Variants in ASIC3 observed in about 807,000 individuals in gnomAD.
ASIC3 encodes acid-sensing ion channel 3.
ASIC3 carries 46 observed loss-of-function variants against 58.6 expected under a neutral mutation model. The ratio of observed to expected loss-of-function variants is 0.79; its 90% CI spans 0.62 to 1.00. ASIC3 has a LOEUF of 1.00. ASIC3 is among the 50% of genes least tolerant of loss of function. The pLI is 0.00. For synonymous variants in ASIC3, 336 were observed against 300.2 expected (o/e 1.12, Z -1.23); for missense variants, 770 against 735.0 (o/e 1.05, Z -0.55).
Position 151,051,198 on chromosome 7 carries a change from G to C in ASIC3, c.1093G>C (p.Ala365Pro), listed in dbSNP as rs1371417062. The C allele has an allele frequency of 6.3e-7, 1 of 1,588,332 alleles. No individual in the cohort carries two copies. The highest frequency in any genetic ancestry group is 8.5e-7 in the Non-Finnish European group (1 of 1,173,506). The stretch of plus-strand genomic sequence containing the variant: ...TGCCATGCTTCGCAAGGACTCGTGC[G>C]CCTGCCCCAACCCGTGCGCCAGCAC... ...IDAMLRKDSC[A>P]CPNPCASTRY... The change falls in exon 6 of 11, where the codon GCC (alanine) becomes CCC (proline). Residue 365 changes from alanine (A) to proline (P), a missense_variant. Transcript: ENST00000349064.
chr7:151,052,638 G>C lies in ASIC3; in HGVS notation c.1582G>C (p.Val528Leu), dbSNP rs188986606. The C allele has an allele frequency of 5.6e-6, 9 of 1,613,824 alleles. No individual in the cohort carries two copies. The highest frequency in any genetic ancestry group is 2.7e-5 in the African/African-American group (2 of 74,924). Residue 528 changes from valine to leucine, a missense_variant, in exon 11 of 11, where the codon GTC (valine) becomes CTC (leucine). Val to Leu is a conservative substitution (Grantham distance 32, BLOSUM62 1). Coordinates refer to ENST00000349064, the MANE Select transcript of ASIC3 (RefSeq NM_004769.4). This position sits in a 1 kb window ranked among gnomAD's most constrained non-coding sequence, Gnocchi z 5.0. ...CGCCTCCCACCGCACCTGCTACCTT[G>C]TCACACAGCTCTAGACCTGCTGTCT... ...LSASHRTCYLVTQL is the reference protein window; with the variant it reads ...LSASHRTCYLLTQL
rs761664922 is a variant in ASIC3 at position 151,049,230 on chromosome 7, G to A, written c.345G>A (p.Leu115=). 1.2e-6 allele frequency: 2 copies of A among 1,611,890 alleles called. No homozygotes were observed. The highest frequency in any genetic ancestry group is 1.1e-5 in the South Asian group (1 of 90,994). ...NDLHWAGSAL[L]GLDPAEHAAF... is the part of the protein sequence containing the mutation. ...TGCACTGGGCTGGGTCTGCGCTGCTGGGCCTGGATCCCGCAGAGCACGCCG... is the reference window on the plus strand; with the variant it reads ...TGCACTGGGCTGGGTCTGCGCTGCTAGGCCTGGATCCCGCAGAGCACGCCG... The change falls in exon 1 of 11, where the codon CTG becomes CTA. Residue 115 remains leucine (L), a synonymous_variant. Transcript: ENST00000349064.
rs1428555731 is a variant in ASIC3 at position 151,051,315 on chromosome 7, A to G, written c.1210A>G (p.Ile404Val). The change falls in exon 6 of 11, where the codon ATC becomes GTC. Residue 404 changes from isoleucine to valine, a missense_variant. Transcript: ENST00000349064. ...ARKLNRSEAY[I>V]AENVLALDIF... ...GAAGCTCAACCGCAGCGAGGCCTAC[A>G]TCGCGTGAGCTGCGCGGGGCGGGCG... 3 of 1,508,022 alleles carry G rather than the reference A, an allele frequency of 2.0e-6. No homozygotes were observed. The highest frequency in any genetic ancestry group is 1.4e-5 in the African/African-American group (1 of 69,336). 93.4% of individuals were successfully genotyped at this position (1,508,022 alleles called of 1,614,324 possible).
chr7:151,049,001 G>C lies in ASIC3; in HGVS notation c.116G>C (p.Ser39Thr). 1 of 1,612,022 alleles carries C rather than the reference G, an allele frequency of 6.2e-7. No homozygotes were observed. Reference sequence around the variant, plus strand: ...CACGTCTTCGGGCCAGGCAGCCTGAGCCTGCGCCGGGGGATGTGGGCAGCG... The same window carrying C: ...CACGTCTTCGGGCCAGGCAGCCTGACCCTGCGCCGGGGGATGTGGGCAGCG... ...LGHVFGPGSL[S>T]LRRGMWAAAV... The change falls in exon 1 of 11, where the codon AGC (serine) becomes ACC (threonine). Residue 39 changes from serine (S) to threonine (T), a missense_variant. By Grantham distance (58) the Ser-to-Thr change is moderately conservative. Coordinates refer to ENST00000349064, the MANE Select transcript of ASIC3 (RefSeq NM_004769.4).
At chr7:151,049,961 C>A in intron 1 of ASIC3, 145 bp from the exon 2 acceptor site, 2 of 1,060,414 alleles carry the variant, frequency 1.9e-6, no homozygotes, top group Non-Finnish European at 1.4e-6. Flanking sequence ...GCAACATGTG[C>A]CCACTGGAGC....
In ASIC3 at chr7:151,052,358, C is replaced by T. The variant is rs905339132; in HGVS notation, c.1459-58C>T. On this transcript the variant is annotated intron_variant, in intron 9 of 10. Transcript: ENST00000349064. The surrounding 1 kb of genome is among the most constrained non-coding windows in gnomAD (Gnocchi z 5.0). ...CAGGCAGGAGGGTGTGCAGTGACCT[C>T]GACTGGTCCCTGGGAGGAGGACCAC... 8 of 1,612,972 alleles carry T rather than the reference C, an allele frequency of 5.0e-6. No homozygotes were observed. Among genetic ancestry groups the T allele is most frequent in the Middle Eastern group, 1.7e-4 (1 of 6,038 alleles).
In ASIC3 at chr7:151,051,854, A is replaced by G. The variant is rs1442096010; in HGVS notation, c.1259A>G (p.Tyr420Cys). The change falls in exon 7 of 11, where the codon TAT (tyrosine) becomes TGT (cysteine). Residue 420 changes from tyrosine (Y) to cysteine (C), a missense_variant. Transcript: ENST00000349064. ...GACATCTTCTTTGAGGCCCTCAACT[A>G]TGAGACCGTGGAGCAGAAGAAGGCC... ...ALDIFFEALN[Y>C]ETVEQKKAYE... 3 of 1,613,430 alleles carry G rather than the reference A, an allele frequency of 1.9e-6. No homozygotes were observed. The highest frequency in any genetic ancestry group is 3.3e-5 in the Admixed American group (2 of 59,984).
chr7:151,052,242 C>G lies in ASIC3; in HGVS notation c.1458+5C>G. ...AGGCACTCCAGCACCAATCTGGTAACAGCCCCTCTTCTGGAGCCCTTGCCT... is the reference window on the plus strand; with the variant it reads ...AGGCACTCCAGCACCAATCTGGTAAGAGCCCCTCTTCTGGAGCCCTTGCCT... On this transcript the variant is annotated splice_donor_5th_base_variant and intron_variant, in intron 9 of 10. Transcript: ENST00000349064. This position sits in a 1 kb window ranked among gnomAD's most constrained non-coding sequence, Gnocchi z 5.0. 1 of 1,614,082 alleles carries G rather than the reference C, an allele frequency of 6.2e-7. No individual in the cohort carries two copies. Among genetic ancestry groups the G allele is most frequent in the Non-Finnish European group, 8.5e-7 (1 of 1,179,994 alleles).
chr7:151,050,989 G>A, intron 4 of ASIC3, 36 bp downstream of exon 4: 4 of 1,613,194 alleles, frequency 2.5e-6, no homozygotes, highest in Non-Finnish European at 3.4e-6. Context: ...TGGCGGGCAG[G>A]GCCCAGGGAG....
Position 151,049,030 on chromosome 7 carries a change from G to A in ASIC3, c.145G>A (p.Val49Met), listed in dbSNP as rs150462572. 47 of 1,613,586 alleles carry A rather than the reference G, an allele frequency of 2.9e-5. No homozygotes were observed. The highest frequency in any genetic ancestry group is 5.0e-5 in the Admixed American group (3 of 60,004). The part of the protein sequence containing the change: ...SLRRGMWAAA[V>M]VLSVATFLYQ... ...GCGCCGGGGGATGTGGGCAGCGGCCGTGGTCCTGTCAGTGGCCACCTTCCT... is the reference window on the plus strand; with the variant it reads ...GCGCCGGGGGATGTGGGCAGCGGCCATGGTCCTGTCAGTGGCCACCTTCCT... The change falls in exon 1 of 11, where the codon GTG (valine) becomes ATG (methionine). Residue 49 changes from valine to methionine, a missense_variant. By Grantham distance (21) the Val-to-Met change is conservative (BLOSUM62 1). Transcript: ENST00000349064.
In ASIC3 at chr7:151,052,290, C is replaced by T. The variant is rs1796801798; in HGVS notation, c.1458+53C>T. On this transcript the variant is annotated intron_variant, in intron 9 of 10. Coordinates refer to ENST00000349064, the MANE Select transcript of ASIC3 (RefSeq NM_004769.4). This position sits in a 1 kb window ranked among gnomAD's most constrained non-coding sequence, Gnocchi z 5.0. ...CCTGCTCCAAGGGTGCTAGGGCCCA[C>T]CCCTGAAGCCTAGACCACCATCCCG... The T allele has an allele frequency of 1.2e-6, 2 of 1,613,218 alleles. No homozygotes were observed. The highest frequency in any genetic ancestry group is 2.2e-5 in the South Asian group (2 of 91,068).
rs1192351567 is a variant in ASIC3, at chr7:151,049,393, C to T, written c.508C>T (p.Pro170Ser). Reference sequence around the variant, plus strand: ...GCTGGACTGTCGCTTCCGTGGCCAACCTTGTGGGCCTGAGAACTTCACCAC... The same window carrying T: ...GCTGGACTGTCGCTTCCGTGGCCAATCTTGTGGGCCTGAGAACTTCACCAC... Reference protein sequence around the residue: ...MLLDCRFRGQPCGPENFTTIF... With the variant: ...MLLDCRFRGQSCGPENFTTIF... The change falls in exon 1 of 11, where the codon CCT (proline) becomes TCT (serine). Residue 170 changes from proline (P) to serine (S), a missense_variant. Physicochemically the swap from Pro to Ser is moderately conservative, Grantham distance 74 (BLOSUM62 -1). Coordinates refer to ENST00000349064, the MANE Select transcript of ASIC3 (RefSeq NM_004769.4). The T allele has an allele frequency of 1.9e-6, 3 of 1,598,140 alleles. No homozygotes were observed. The highest frequency in any genetic ancestry group is 2.6e-6 in the Non-Finnish European group (3 of 1,171,430).
chr7:151,050,674 A>T, intron 3 of ASIC3, 66 bp downstream of exon 3: 2 of 1,608,650 alleles, frequency 1.2e-6, no homozygotes, highest in South Asian at 2.2e-5. Flanking sequence ...CTAAACCCTC[A>T]GCTCCTCAGA....
chr7:151,050,359 T>A, intron 2 of ASIC3, 103 bp downstream of exon 2: 1 of 1,564,502 alleles, frequency 6.4e-7, no homozygotes, highest in Non-Finnish European at 8.7e-7. Flanking sequence ...CCCCAGAACC[T>A]GTGAAAGGGG....
chr7:151,052,132 T>C lies in ASIC3; in HGVS notation c.1387-34T>C, dbSNP rs769745881. 1 of 1,613,556 alleles carries C rather than the reference T, an allele frequency of 6.2e-7. No homozygotes were observed. The highest frequency in any genetic ancestry group is 1.1e-5 in the South Asian group (1 of 91,072). On this transcript the variant is annotated intron_variant, in intron 8 of 10. Coordinates refer to ENST00000349064, the MANE Select transcript of ASIC3 (RefSeq NM_004769.4). This position sits in a 1 kb window ranked among gnomAD's most constrained non-coding sequence, Gnocchi z 5.0. ...GGCCCCTAGGATGAGGGGGAAGGTG[T>C]GCACTGGCCACCTCCCATCCTGCTT...
rs1315165811 is a variant in ASIC3, at chr7:151,052,677, C to T, written c.*25C>T. 6.2e-7 allele frequency: 1 copy of T among 1,614,148 alleles called. No homozygotes were observed. The highest frequency in any genetic ancestry group is 1.7e-5 in the Admixed American group (1 of 60,008). On this transcript the variant is annotated 3_prime_UTR_variant, in exon 11 of 11. Coordinates refer to ENST00000349064, the MANE Select transcript of ASIC3 (RefSeq NM_004769.4). The surrounding 1 kb of genome is among the most constrained non-coding windows in gnomAD (Gnocchi z 5.0). ...GACCTGCTGTCTGTGTCCTCGGAGC[C>T]CCGCCCTGACATCCTGGACATGCCT...
Position 151,051,049 on chromosome 7 carries a change from A to G in ASIC3, c.1020A>G (p.Pro340=), listed in dbSNP as rs371031278. 30 of 1,613,164 alleles carry G rather than the reference A, an allele frequency of 1.9e-5. No homozygotes were observed. Among genetic ancestry groups the G allele is most frequent in the Non-Finnish European group, 2.4e-5 (28 of 1,179,996 alleles). ...CRMVYMPGDV[P]VCSPQQYKNC... ...CCCCGGTACCCGCAGGCGACGTGCC[A>G]GTGTGCAGCCCCCAGCAGTACAAGA... Residue 340 remains proline, a synonymous_variant, in exon 5 of 11, where the codon CCA becomes CCG. Coordinates refer to ENST00000349064, the MANE Select transcript of ASIC3 (RefSeq NM_004769.4).
At chr7:151,050,375 C>G in intron 2 of ASIC3, 106 bp from the exon 3 acceptor site, 1 of 1,565,610 alleles carries the variant, frequency 6.4e-7, no homozygotes, top group Non-Finnish European at 8.7e-7. Context: ...AGGGGCTGGG[C>G]TGGCTCATCC....
At position 151,052,119 on chromosome 7, in the gene ASIC3, G is replaced by A. The variant is rs1188241797; in HGVS notation, c.1387-47G>A. 2.5e-6 allele frequency: 4 copies of A among 1,613,624 alleles called. No homozygotes were observed. The highest frequency in any genetic ancestry group is 2.7e-5 in the African/African-American group (2 of 74,876). ...AGGTGGGAATCAGGGCCCCTAGGAT[G>A]AGGGGGAAGGTGTGCACTGGCCACC... On this transcript the variant is annotated intron_variant, in intron 8 of 10. Transcript: ENST00000349064. This position sits in a 1 kb window ranked among gnomAD's most constrained non-coding sequence, Gnocchi z 5.0.
Sources: allele counts gnomAD v4.1 joint callset, GRCh38; gene constraint gnomAD v4.1.1; non-coding constraint Gnocchi (gnomAD v3.1); transcripts MANE v1.5; gene names NCBI Gene and HGNC (gene_info 2026-07-23, HGNC 2026-07-21).